PSD3: variants seen among roughly 807,000 people sequenced by gnomAD.
PSD3 encodes pleckstrin and Sec7 domain containing 3, also known as PH and SEC7 domain-containing protein 3.
A neutral mutation model predicts 105.5 loss-of-function variants in PSD3; 49 were observed. The observed-to-expected ratio is 0.46, with a 90% CI of 0.37 to 0.59. The LOEUF (loss-of-function observed/expected upper bound fraction) is 0.59, where lower values mean the gene tolerates loss of function less well. Among genes scored for constraint, PSD3 ranks in the 20% least tolerant of loss-of-function variants. The pLI is 0.00. For missense variants in PSD3, 1,561 were observed against 1,263.8 expected, an observed-to-expected ratio of 1.24 and a Z score of -3.57; for synonymous variants, 557 against 457.8, an observed-to-expected ratio of 1.22 and a Z score of -2.77.
intron 9 of PSD3, among the ~76,000 whole-genome samples, chr8:18,761,957 T>C (rs949451974): frequency 2.6e-5 from 4 of 152,162 alleles, no homozygotes; most frequent in African/African-American, 7.2e-5. Context: ...GATTTGGTCA[T>C]GTAGTTGAGA....
intron 4 of PSD3, chr8:18,865,150 C>T (rs1264332298): frequency 3.4e-5 from 5 of 148,442 alleles, no homozygotes; most frequent in African/African-American, 1.2e-4. Flanking sequence ...TTGAATTCTA[C>T]TACGGTATCT....
At chr8:18,907,929 C>G (rs1819953901) in intron 2 of PSD3, among the ~76,000 whole-genome samples, 1 of 152,110 alleles carries the variant, frequency 6.6e-6, no homozygotes, top group African/African-American at 2.4e-5. Context: ...ATCTTTTGCA[C>G]TCGGCACACA....
intron 12 of PSD3, among the ~76,000 whole-genome samples, chr8:18,589,348 T>C (rs1293718605): frequency 6.6e-6 from 1 of 152,210 alleles, no homozygotes; most frequent in Non-Finnish European, 1.5e-5. Context: ...GTGAGAATTT[T>C]AGAAGGATGC....
intron 1 of PSD3, among the ~76,000 whole-genome samples, chr8:19,011,215 C>T (rs1205162525): frequency 6.6e-6 from 1 of 152,170 alleles, no homozygotes; most frequent in Admixed American, 6.5e-5. Flanking sequence ...AGCAGATACA[C>T]ATTTTAATAT....
chr8:18,886,451 C>T (rs1269065564), intron 2 of PSD3, among the ~76,000 whole-genome samples: 2 of 152,168 alleles, frequency 1.3e-5, no homozygotes, highest in Non-Finnish European at 2.9e-5. Flanking sequence ...AGAACCTGGT[C>T]TAGCCCCAGG....
chr8:18,600,535 G>C (rs1804359720), intron 11 of PSD3, 101 bp from the exon 12 acceptor site: 2 of 956,652 alleles, frequency 2.1e-6, no homozygotes, highest in Non-Finnish European at 3.2e-6. Context: ...ATTCTACCTA[G>C]CTACCGAAAG....
chr8:18,768,946 C>T (rs190394707), intron 8 of PSD3, among the ~76,000 whole-genome samples: 2 of 152,150 alleles, frequency 1.3e-5, no homozygotes, highest in African/African-American at 2.4e-5. Flanking sequence ...TAAATTAAAT[C>T]TGCAGTTTAA....
At chr8:18,942,739 C>G (rs7016463) in intron 1 of PSD3, among the ~76,000 whole-genome samples, 17,861 of 152,108 alleles carry the variant, frequency 0.12, 1,329 homozygotes, top group East Asian at 0.26. Flanking sequence ...ACCCTTCCAA[C>G]TTTGATCTCG....
intron 9 of PSD3, among the ~76,000 whole-genome samples, chr8:18,753,531 G>A (rs1311759616): frequency 6.6e-6 from 1 of 152,032 alleles, no homozygotes; most frequent in Non-Finnish European, 1.5e-5. Context: ...CAAAAACTAT[G>A]CTGCTATCTA....
intron 11 of PSD3, among the ~76,000 whole-genome samples, chr8:18,618,373 T>G (rs1291677949): frequency 6.6e-6 from 1 of 151,476 alleles, no homozygotes; most frequent in Admixed American, 6.6e-5. Flanking sequence ...CAGGTCATCC[T>G]GAGGCTACGT....
At chr8:18,960,531 T>C (rs12679152) in intron 1 of PSD3, among the ~76,000 whole-genome samples, 10,984 of 152,128 alleles carry the variant, frequency 0.072, 947 homozygotes, top group African/African-American at 0.21. Flanking sequence ...AATTAGGAAA[T>C]GCGTAAATGT....
intron 2 of PSD3, among the ~76,000 whole-genome samples, chr8:18,896,567 C>T (rs114011214): frequency 0.013 from 1,920 of 152,220 alleles, 34 homozygotes; most frequent in African/African-American, 0.043. Flanking sequence ...GCACACACCA[C>T]CACCTCAGCT....
chr8:18,793,146 T>A (rs922317129), intron 8 of PSD3, among the ~76,000 whole-genome samples: 2 of 151,710 alleles, frequency 1.3e-5, no homozygotes, highest in African/African-American at 4.8e-5. Flanking sequence ...GGACACAGGG[T>A]GGGGAACATT....
intron 1 of PSD3, among the ~76,000 whole-genome samples, chr8:19,039,098 C>T (rs1436687356): frequency 2.6e-5 from 4 of 152,142 alleles, no homozygotes; most frequent in African/African-American, 7.2e-5. Context: ...ACCTGCTAGT[C>T]CTTGTCTTAC....
chr8:18,755,792 T>G (rs1315621452), intron 9 of PSD3, among the ~76,000 whole-genome samples: 1 of 152,014 alleles, frequency 6.6e-6, no homozygotes. Flanking sequence ...TGAACATGAT[T>G]TGTGGATCTT....
intron 8 of PSD3, among the ~76,000 whole-genome samples, chr8:18,767,560 A>T (rs1807114476): frequency 6.6e-6 from 1 of 152,078 alleles, no homozygotes; most frequent in African/African-American, 2.4e-5. Flanking sequence ...AGCCTGCTCA[A>T]CATGGTGAAA....
intron 11 of PSD3, among the ~76,000 whole-genome samples, chr8:18,601,646 G>A (rs1230699100): frequency 6.6e-6 from 1 of 152,114 alleles, no homozygotes; most frequent in Non-Finnish European, 1.5e-5. Context: ...CATCCCTTCT[G>A]CCTCCACTAG....
chr8:18,787,209 A>C (rs1809250926), intron 8 of PSD3, among the ~76,000 whole-genome samples: 1 of 152,206 alleles, frequency 6.6e-6, no homozygotes, highest in Non-Finnish European at 1.5e-5. Context: ...ACTTTGCATA[A>C]AAGTAGTTCT....
At chr8:19,012,205 C>T (rs149559978) in intron 1 of PSD3, among the ~76,000 whole-genome samples, 1,898 of 152,294 alleles carry the variant, frequency 0.012, 24 homozygotes, top group Non-Finnish European at 0.02. Flanking sequence ...AATGAAATAT[C>T]TTACAAGACA....
Sources: allele counts gnomAD v4.1 joint callset (sites outside exome capture counted in the v4.1 genomes callset), GRCh38; gene constraint gnomAD v4.1.1; transcripts MANE v1.5; gene names NCBI Gene and HGNC (gene_info 2026-07-23, HGNC 2026-07-21).